The following SLC2A8 variants were observed in gnomAD, a reference collection of about 807,000 sequenced individuals.
SLC2A8 encodes the protein solute carrier family 2, facilitated glucose transporter member 8.
A neutral mutation model predicts 49.2 loss-of-function variants in SLC2A8; 53 were observed. That is an observed-to-expected ratio of 1.08 (90% CI 0.86 to 1.35). The LOEUF is 1.35. Among genes scored for constraint, SLC2A8 ranks in the 40% most tolerant of loss-of-function variants. SLC2A8 has a pLI of 0.00. For missense variants in SLC2A8, 688 were observed against 671.7 expected (o/e 1.02, Z -0.27); for synonymous variants, 299 against 297.0 (o/e 1.01, Z -0.07).
chr9:127,407,329 G>T lies in SLC2A8; in HGVS notation c.*80G>T. On this transcript the variant is annotated 3_prime_UTR_variant, in exon 10 of 10. Transcript: ENST00000373371. ...CAGAGCCCCTGCCTGCCCCAGGGGAGCCAGAATCCAGCCCCTTGGAGCCTT... is the reference window on the plus strand; with the variant it reads ...CAGAGCCCCTGCCTGCCCCAGGGGATCCAGAATCCAGCCCCTTGGAGCCTT... 6.4e-7 allele frequency: 1 copy of T among 1,557,702 alleles called. No homozygotes were observed. The highest frequency in any genetic ancestry group is 8.8e-7 in the Non-Finnish European group (1 of 1,132,224).
In SLC2A8 at chr9:127,400,107, C is replaced by T. The variant is rs1051068011; in HGVS notation, c.526+101C>T. On this transcript the variant is annotated intron_variant, in intron 4 of 9. Coordinates refer to ENST00000373371, the MANE Select transcript of SLC2A8 (RefSeq NM_014580.5). ...TGAGGTCAAGGGACTTGTCTGAGGT[C>T]ACATAGCCAGTGCCCAACATGCCAG... The T allele has an allele frequency of 3.1e-6, 3 of 961,618 alleles. No individual in the cohort carries two copies. In the African/African-American group the frequency reaches 5.0e-5, roughly 16 times the overall value. 59.6% of individuals were successfully genotyped at this position (961,618 alleles called of 1,614,324 possible).
intron 2 of SLC2A8, 139 bp from the exon 3 acceptor site, chr9:127,397,766 G>C: frequency 4.7e-6 from 5 of 1,072,326 alleles, no homozygotes; most frequent in Non-Finnish European, 6.4e-6. Context: ...CGAGCACCGG[G>C]CCCCTCAGCC....
At chr9:127,402,883 C>A in intron 5 of SLC2A8, 130 bp downstream of exon 5, 1 of 1,149,868 alleles carries the variant, frequency 8.7e-7, no homozygotes, top group Non-Finnish European at 1.2e-6. Flanking sequence ...CCACCCTCAG[C>A]GAGGACAGGC....
chr9:127,402,658 C>A lies in SLC2A8; in HGVS notation c.628C>A (p.Leu210Met), dbSNP rs767502854. The A allele has an allele frequency of 5.0e-6, 8 of 1,587,970 alleles. No individual in the cohort carries two copies. The highest frequency in any genetic ancestry group is 6.8e-6 in the Non-Finnish European group (8 of 1,168,970). The change falls in exon 5 of 10, where the codon CTG becomes ATG. Residue 210 changes from leucine to methionine, a missense_variant. Coordinates refer to ENST00000373371, the MANE Select transcript of SLC2A8 (RefSeq NM_014580.5). ...CFMPETPRFL[L>M]TQHRRQEAMA... The stretch of plus-strand genomic sequence containing the variant: ...CATGCCCGAGACCCCGCGCTTCCTG[C>A]TGACTCAGCACAGGCGCCAGGAGGC...
At chr9:127,405,653 C>T (rs1564220512) in intron 9 of SLC2A8, 88 bp downstream of exon 9, 3 of 1,524,210 alleles carry the variant, frequency 2.0e-6, no homozygotes, top group South Asian at 2.4e-5. Context: ...GACCCAGGGT[C>T]GTGGCCTTAC....
rs1231848092 is a variant in SLC2A8, at chr9:127,398,124, T to C, written c.426+13T>C. ...CCTAGTGGCCCCGGTGAGTGTCCCGTCTCTCGAGTGTCCTGTCTCGCGGCC... is the reference window on the plus strand; with the variant it reads ...CCTAGTGGCCCCGGTGAGTGTCCCGCCTCTCGAGTGTCCTGTCTCGCGGCC... On this transcript the variant is annotated intron_variant, in intron 3 of 9. Coordinates refer to ENST00000373371, the MANE Select transcript of SLC2A8 (RefSeq NM_014580.5). 3 of 1,568,786 alleles carry C rather than the reference T, an allele frequency of 1.9e-6. No homozygotes were observed. Among genetic ancestry groups the C allele is most frequent in the African/African-American group, 1.4e-5 (1 of 74,064 alleles).
Position 127,402,239 on chromosome 9 carries a change from G to T in SLC2A8, c.527-318G>T, listed in dbSNP as rs1833315765. 1.3e-5 allele frequency: 4 copies of T among 303,616 alleles called. No individual in the cohort carries two copies. The Admixed American group carries it at 1.4e-4, about 11-fold the overall frequency. 18.8% of individuals were successfully genotyped at this position (303,616 alleles called of 1,614,324 possible). A position where few individuals can be genotyped will look rare whatever the true frequency, so the allele number is the denominator to read the frequency against. Reference sequence around the variant, plus strand: ...CCCTCCCCCACCTCTTCTACAAATGGTGCCACATCATACCATGCGGACACG... The same window carrying T: ...CCCTCCCCCACCTCTTCTACAAATGTTGCCACATCATACCATGCGGACACG... On this transcript the variant is annotated intron_variant, in intron 4 of 9. Coordinates refer to ENST00000373371, the MANE Select transcript of SLC2A8 (RefSeq NM_014580.5).
intron 4 of SLC2A8, 105 bp from the exon 5 acceptor site, chr9:127,402,452 A>C (rs1833322793): frequency 7.0e-7 from 1 of 1,423,788 alleles, no homozygotes; most frequent in Non-Finnish European, 9.2e-7. Flanking sequence ...GCAGATGTGC[A>C]GAGGCAGCGA....
chr9:127,406,998 AG>A (rs1163944673), intron 9 of SLC2A8, 113 bp from the exon 10 acceptor site: 1 of 1,185,862 alleles, frequency 8.4e-7, no homozygotes, highest in Non-Finnish European at 1.2e-6. Flanking sequence ...GGCCTTGGGC[AG>A]GGCAGGCTGG....
At chr9:127,407,087 C>T in intron 9 of SLC2A8, 25 bp from the exon 10 acceptor site, 1 of 1,611,912 alleles carries the variant, frequency 6.2e-7, no homozygotes, top group Non-Finnish European at 8.5e-7. Flanking sequence ...CCCGCGTCCA[C>T]CCATGGCCTT....
At chr9:127,403,148 TCA>T (rs1188626715) in intron 5 of SLC2A8, 1 of 235,252 alleles carries the variant, frequency 4.3e-6, no homozygotes, top group Non-Finnish European at 8.3e-6. Context: ...ACGCTGCCCC[TCA>T]CCTAAGCTTT....
At chr9:127,404,608 G>C (rs1469364913) in intron 7 of SLC2A8, 2 of 569,164 alleles carry the variant, frequency 3.5e-6, no homozygotes, top group African/African-American at 3.8e-5. Flanking sequence ...TCGGCCCAGA[G>C]GGTCTGCTCC....
At chr9:127,398,284 C>T (rs772164755) in intron 3 of SLC2A8, 173 bp downstream of exon 3, 1 of 797,512 alleles carries the variant, frequency 1.3e-6, no homozygotes, top group East Asian at 2.4e-5. Flanking sequence ...GGGAAGGATC[C>T]TACTGTTCTC....
Position 127,399,944 on chromosome 9 carries a change from G to T in SLC2A8, c.464G>T (p.Gly155Val), listed in dbSNP as rs781439186. 1 of 1,613,844 alleles carries T rather than the reference G, an allele frequency of 6.2e-7. No individual in the cohort carries two copies. Among genetic ancestry groups the T allele is most frequent in the Non-Finnish European group, 8.5e-7 (1 of 1,179,850 alleles). ...ISEIAYPAVR[G>V]LLGSCVQLMV... ...GAAATCGCCTACCCAGCAGTCCGGG[G>T]GTTGCTCGGCTCCTGTGTGCAGCTA... The change falls in exon 4 of 10, where the codon GGG (glycine) becomes GTG (valine). Residue 155 changes from glycine to valine, a missense_variant. Transcript: ENST00000373371. The surrounding 1 kb of genome is among the most constrained non-coding windows in gnomAD (Gnocchi z 4.2).
intron 6 of SLC2A8, 34 bp from the exon 7 acceptor site, chr9:127,403,925 C>T (rs1450499634): frequency 1.2e-6 from 2 of 1,603,784 alleles, no homozygotes; most frequent in Non-Finnish European, 1.7e-6. Context: ...TCTCAGCTGG[C>T]CCACCTGACC....
chr9:127,397,544 G>A lies in SLC2A8; in HGVS notation c.219+6G>A. On this transcript the variant is annotated splice_donor_region_variant and intron_variant, in intron 2 of 9. Coordinates refer to ENST00000373371, the MANE Select transcript of SLC2A8 (RefSeq NM_014580.5). ...CCGCCGCCTCCTGGTTCGGGGTGAGGCCCCGGGCTCGCTCCTCCCGCCCTG... is the reference window on the plus strand; with the variant it reads ...CCGCCGCCTCCTGGTTCGGGGTGAGACCCCGGGCTCGCTCCTCCCGCCCTG... 2.1e-6 allele frequency: 3 copies of A among 1,403,022 alleles called. No individual in the cohort carries two copies. The highest frequency in any genetic ancestry group is 5.9e-5 in the East Asian group (2 of 33,618). 86.9% of individuals were successfully genotyped at this position (1,403,022 alleles called of 1,614,324 possible).
chr9:127,400,183 T>TTTTTTTTTTTTTTTG (rs1833226571), intron 4 of SLC2A8, among the ~76,000 whole-genome samples, 177 bp downstream of exon 4: 1 of 149,312 alleles, frequency 6.7e-6, no homozygotes, highest in Admixed American at 6.6e-5. Context: ...TTTTTTTTTT[T>TTTTTTTTTTTTTTTG]GAGACAGAGT....
intron 3 of SLC2A8, 126 bp downstream of exon 3, chr9:127,398,237 G>T: frequency 1.0e-6 from 1 of 993,180 alleles, no homozygotes. Context: ...CAGGCTTGAA[G>T]TCCCTGCGTT....
intron 4 of SLC2A8, among the ~76,000 whole-genome samples, chr9:127,401,922 C>T (rs1833305148): frequency 6.6e-6 from 1 of 152,288 alleles, no homozygotes; most frequent in Middle Eastern, 3.4e-3. Flanking sequence ...TCATTTATTC[C>T]AGGGCCCCTT....
Sources: gnomAD v4.1 joint callset for allele counts (sites outside exome capture counted in the v4.1 genomes callset) on GRCh38, gnomAD v4.1.1 for gene constraint, Gnocchi (gnomAD v3.1) non-coding constraint, MANE v1.5 for transcripts, NCBI Gene and HGNC (gene_info 2026-07-23, HGNC 2026-07-21) for gene names.